The following NAALADL2 variants were observed in gnomAD, a reference collection of about 807,000 sequenced individuals.
NAALADL2 encodes inactive N-acetylated-alpha-linked acidic dipeptidase-like protein 2.
NAALADL2 carries 76 observed loss-of-function variants against 87.2 expected under a neutral mutation model. The ratio of observed to expected loss-of-function variants is 0.87; its 90% confidence interval spans 0.72 to 1.05. The LOEUF is 1.05. Ranked by LOEUF, NAALADL2 falls within the 50% of genes least tolerant of loss-of-function variation. NAALADL2 has a pLI of 0.00. For missense variants in NAALADL2, 1,089 were observed against 945.8 expected (o/e 1.15, Z -1.99); for synonymous variants, 354 against 331.0 (o/e 1.07, Z -0.75).
chr3:174,943,233 C>T (rs1738886546), intron 1 of NAALADL2, among the ~76,000 whole-genome samples: 2 of 152,164 alleles, frequency 1.3e-5, no homozygotes, highest in Non-Finnish European at 2.9e-5. Flanking sequence ...TTTCTCTGGG[C>T]TGAGGCTTTG....
chr3:175,605,208 A>G (rs1217886291), intron 10 of NAALADL2, among the ~76,000 whole-genome samples: 7 of 151,986 alleles, frequency 4.6e-5, no homozygotes, highest in Non-Finnish European at 7.4e-5. Context: ...CTCAATAAGG[A>G]CTCCTTTAGG....
At chr3:174,962,363 G>GACTATGACATATATGTCATAGTC (rs1742140670) in intron 1 of NAALADL2, among the ~76,000 whole-genome samples, 4 of 68,036 alleles carry the variant, frequency 5.9e-5, no homozygotes, top group African/African-American at 1.0e-4. Context: ...TTGTCATAGT[G>GACTATGACATATATGTCATAGTC]ACTATGACAT....
intron 3 of NAALADL2, among the ~76,000 whole-genome samples, chr3:174,747,505 C>T (rs1026904355): frequency 7.3e-5 from 11 of 150,852 alleles, no homozygotes; most frequent in Admixed American, 4.7e-4. Context: ...ACCTGTAATC[C>T]CATTTACTCA....
At position 175,167,153 on chromosome 3, in the gene NAALADL2, A is replaced by C. The variant is rs554811942; in HGVS notation, c.546-66778A>C. Among the ~76,000 whole-genome samples the C allele has an allele frequency of 2.0e-5, 3 of 152,184 alleles. No individual in the cohort carries two copies. The South Asian group carries it at 6.2e-4, about 32-fold the overall frequency. On this transcript the variant is annotated intron_variant, in intron 2 of 13. Coordinates refer to ENST00000454872, the MANE Select transcript of NAALADL2 (RefSeq NM_207015.3). ...GATGGTAAACATTTTAGACTGTGTG[A>C]ACCATACAGTCTATTGCAACCACTC...
intron 3 of NAALADL2, among the ~76,000 whole-genome samples, chr3:175,241,550 A>G (rs1201056030): frequency 6.6e-6 from 1 of 152,164 alleles, no homozygotes. Flanking sequence ...TTTGAGAATA[A>G]TAACCATGGG....
In NAALADL2 at chr3:175,512,498, G is replaced by A. The variant is rs529771190; in HGVS notation, c.1653+40740G>A. Among the ~76,000 whole-genome samples the A allele has an allele frequency of 2.9e-3, 447 of 152,226 alleles. 3 individuals are homozygous for A. The highest frequency in any genetic ancestry group is 0.01 in the African/African-American group (426 of 41,554). On this transcript the variant is annotated intron_variant, in intron 9 of 13. Coordinates refer to ENST00000454872, the MANE Select transcript of NAALADL2 (RefSeq NM_207015.3). ...CCTATTTAAGATTTTATGAGGAAAA[G>A]CCAATTCTTAAAAACTATATCCAAC...
At chr3:175,235,760 C>T (rs1039371527) in intron 3 of NAALADL2, 1 of 152,204 alleles carries the variant, frequency 6.6e-6, no homozygotes, top group African/African-American at 2.4e-5. Context: ...TCCTTGGAAT[C>T]TTCCCCATCT....
At chr3:174,963,568 C>T (rs1479225010) in intron 1 of NAALADL2, among the ~76,000 whole-genome samples, 1 of 152,130 alleles carries the variant, frequency 6.6e-6, no homozygotes, top group Non-Finnish European at 1.5e-5. Flanking sequence ...CTATCATCTT[C>T]ATCCCCATGT....
rs139101139 is a variant in NAALADL2, at chr3:175,507,352, G to A, written c.1653+35594G>A. On this transcript the variant is annotated intron_variant, in intron 9 of 13. Coordinates refer to ENST00000454872, the MANE Select transcript of NAALADL2 (RefSeq NM_207015.3). ...GGGGACATTTTGGTTCCCATGTCCA[G>A]GTGTCTCTTTTCAGCTCTTAACTAT... is the stretch of plus-strand genomic sequence containing the variant. Among the ~76,000 whole-genome samples, 73 of 152,260 alleles carry A rather than the reference G, an allele frequency of 4.8e-4. No homozygotes were observed. The East Asian group carries it at 0.014, about 29-fold the overall frequency.
At chr3:174,470,600 A>G (rs970186042) in intron 1 of NAALADL2, among the ~76,000 whole-genome samples, 2 of 152,096 alleles carry the variant, frequency 1.3e-5, no homozygotes, top group Admixed American at 6.6e-5. Flanking sequence ...TGGGACTTTT[A>G]TAGTTTGAGA....
intron 13 of NAALADL2, among the ~76,000 whole-genome samples, chr3:175,783,318 C>A (rs375023624): frequency 1.3e-5 from 2 of 151,808 alleles, no homozygotes; most frequent in Admixed American, 6.6e-5. Context: ...TTTCACGATA[C>A]TGATTCTTCC....
At chr3:174,909,591 A>G (rs974213384) in intron 1 of NAALADL2, among the ~76,000 whole-genome samples, 3 of 152,130 alleles carry the variant, frequency 2.0e-5, no homozygotes, top group African/African-American at 2.4e-5. Context: ...AACATTCAAA[A>G]TATGGATTGT....
chr3:174,581,993 G>A (rs1407051967), intron 2 of NAALADL2, among the ~76,000 whole-genome samples: 1 of 152,156 alleles, frequency 6.6e-6, no homozygotes, highest in Non-Finnish European at 1.5e-5. Flanking sequence ...ATACTGCATA[G>A]CACAATATTC....
intron 1 of NAALADL2, among the ~76,000 whole-genome samples, chr3:174,907,364 C>A (rs1257274534): frequency 6.6e-6 from 1 of 151,982 alleles, no homozygotes; most frequent in Non-Finnish European, 1.5e-5. Context: ...TCATTTGATT[C>A]CTTGATCATA....
chr3:174,666,243 C>T (rs1406172774), intron 2 of NAALADL2, among the ~76,000 whole-genome samples: 2 of 152,086 alleles, frequency 1.3e-5, no homozygotes, highest in Non-Finnish European at 2.9e-5. Context: ...AATTAATATT[C>T]TCATTGAGCT....
At chr3:175,100,910 T>C (rs983376656) in intron 2 of NAALADL2, among the ~76,000 whole-genome samples, 10 of 151,718 alleles carry the variant, frequency 6.6e-5, no homozygotes, top group African/African-American at 2.4e-4. Context: ...CAAATCATAT[T>C]TCAATGGATT....
At chr3:174,456,411 C>CAAAAAAAAAA (rs59833697) in intron 1 of NAALADL2, among the ~76,000 whole-genome samples, 13 of 56,374 alleles carry the variant, frequency 2.3e-4, no homozygotes, top group African/African-American at 7.8e-4. Flanking sequence ...CAATCCTAAG[C>CAAAAAAAAAA]AAAAAAAAAA....
chr3:175,651,271 T>C (rs1730726702), intron 11 of NAALADL2, among the ~76,000 whole-genome samples: 1 of 152,168 alleles, frequency 6.6e-6, no homozygotes, highest in Non-Finnish European at 1.5e-5. Context: ...ATTTTGAATA[T>C]AATGAGCACA....
rs769106005 is a variant in NAALADL2 at position 174,636,690 on chromosome 3, C to G, written c.-115+86053C>G. 2.7e-4 allele frequency among the ~76,000 whole-genome samples: 41 copies of G among 152,100 alleles called. 1 individual carries two copies. Among genetic ancestry groups the G allele is most frequent in the Admixed American group, 7.9e-4 (12 of 15,262 alleles). On this transcript the variant is annotated intron_variant, in intron 2 of 3. Transcript: ENST00000434257. ...GCAAGGATACAGAGAAAAGGGAACT[C>G]TCACACACTGTTGAAGCAGATATAA...
Sources: gnomAD v4.1 joint callset for allele counts (sites outside exome capture counted in the v4.1 genomes callset) on GRCh38, gnomAD v4.1.1 for gene constraint, MANE v1.5 for transcripts, NCBI Gene and HGNC (gene_info 2026-07-23, HGNC 2026-07-21) for gene names.